Variants in IAPP observed in about 807,000 individuals in gnomAD.
IAPP encodes the protein islet amyloid polypeptide.
A neutral mutation model predicts 2.9 loss-of-function variants in IAPP; 4 were observed. The observed-to-expected ratio is 1.39, with a 90% CI of 0.69 to 3.19. The LOEUF (loss-of-function observed/expected upper bound fraction) is 3.19, where lower values mean the gene tolerates loss of function less well. Among genes scored for constraint, IAPP ranks in the 30% most tolerant of loss-of-function variants. The pLI, the probability that IAPP is intolerant of heterozygous loss-of-function variation, is 0.01. For missense variants in IAPP, 114 were observed against 105.3 expected (o/e 1.08, Z -0.36); for synonymous variants, 40 against 42.1 (o/e 0.95, Z 0.19).
chr12:21,375,865 T>C (rs1329343149), intron 2 of IAPP, among the ~76,000 whole-genome samples: 1 of 152,236 alleles, frequency 6.6e-6, no homozygotes, highest in African/African-American at 2.4e-5. Context: ...GCTTTAATGT[T>C]TGTTACTAGC....
At chr12:21,373,548 A>G (rs972270735) in intron 2 of IAPP, 117 bp downstream of exon 2, 1 of 748,406 alleles carries the variant, frequency 1.3e-6, no homozygotes, top group African/African-American at 1.7e-5. Flanking sequence ...ACTTAAGAAC[A>G]GTACCTTCAG....
intron 2 of IAPP, 115 bp from the exon 3 acceptor site, chr12:21,378,122 C>G: frequency 1.1e-6 from 1 of 929,774 alleles, no homozygotes; most frequent in Non-Finnish European, 1.7e-6. Flanking sequence ...CACTGAGTTA[C>G]TTATGTGAAA....
intron 2 of IAPP, among the ~76,000 whole-genome samples, chr12:21,374,778 C>T (rs1422718579): frequency 6.6e-6 from 1 of 151,832 alleles, no homozygotes; most frequent in East Asian, 1.9e-4. Context: ...ATTTACTAAG[C>T]ACTTTTACCC....
intron 1 of IAPP, among the ~76,000 whole-genome samples, chr12:21,361,507 G>C (rs1164873039): frequency 6.6e-6 from 1 of 152,200 alleles, no homozygotes; most frequent in Non-Finnish European, 1.5e-5. Context: ...AGAGCTCCTT[G>C]CCAGTAATGG....
chr12:21,362,626 C>T (rs902948292), intron 1 of IAPP, among the ~76,000 whole-genome samples: 3 of 152,044 alleles, frequency 2.0e-5, no homozygotes, highest in African/African-American at 4.8e-5. Flanking sequence ...AGAGTCAAGA[C>T]GCATCAGTGT....
upstream of IAPP, among the ~76,000 whole-genome samples, chr12:21,370,405 T>C (rs1339621008): frequency 1.3e-5 from 2 of 151,910 alleles, no homozygotes; most frequent in Admixed American, 1.3e-4. Flanking sequence ...TATATACATG[T>C]GCCATGTTGG....
At chr12:21,369,791 A>G (rs1047290046), upstream of IAPP, among the ~76,000 whole-genome samples, 7 of 152,224 alleles carry the variant, frequency 4.6e-5, no homozygotes, top group African/African-American at 1.7e-4. Context: ...TTGACTTAGC[A>G]AGGCTAGAGG....
chr12:21,372,475 A>G (rs1338005016), upstream of IAPP, among the ~76,000 whole-genome samples: 4 of 151,898 alleles, frequency 2.6e-5, no homozygotes, highest in East Asian at 5.8e-4. Context: ...TTTCCCTTAT[A>G]TCTCCATTTA....
intron 1 of IAPP, among the ~76,000 whole-genome samples, chr12:21,359,920 T>G (rs1938692847): frequency 6.6e-6 from 1 of 152,140 alleles, no homozygotes; most frequent in South Asian, 2.1e-4. Flanking sequence ...GGCTAAACAT[T>G]TTGTAATATA....
chr12:21,357,025 C>G (rs1938421224), intron 1 of IAPP, among the ~76,000 whole-genome samples: 1 of 151,626 alleles, frequency 6.6e-6, no homozygotes, highest in Non-Finnish European at 1.5e-5. Flanking sequence ...AATAATTTCA[C>G]TGAGAAAGAT....
chr12:21,359,458 T>C (rs1938640999), intron 1 of IAPP, among the ~76,000 whole-genome samples: 1 of 152,142 alleles, frequency 6.6e-6, no homozygotes, highest in Non-Finnish European at 1.5e-5. Context: ...ATACTGATAT[T>C]TGGGAGTCTC....
intron 1 of IAPP, among the ~76,000 whole-genome samples, chr12:21,356,643 A>G (rs1237543474): frequency 6.6e-6 from 1 of 152,176 alleles, no homozygotes; most frequent in East Asian, 1.9e-4. Context: ...CACAGTAAAG[A>G]TATGAGTGTT....
upstream of IAPP, among the ~76,000 whole-genome samples, chr12:21,371,531 T>C (rs1396461302): frequency 2.6e-5 from 4 of 152,310 alleles, no homozygotes; most frequent in Admixed American, 2.6e-4. Context: ...CTTCAAACAA[T>C]GTTACAAAGC....
intron 1 of IAPP, among the ~76,000 whole-genome samples, chr12:21,360,347 C>T (rs1392156814): frequency 6.6e-6 from 1 of 151,946 alleles, no homozygotes; most frequent in Non-Finnish European, 1.5e-5. Flanking sequence ...TAAAACGACA[C>T]CAATATAAAA....
chr12:21,355,018 C>T (rs1938250781), intron 1 of IAPP: 12 of 152,074 alleles, frequency 7.9e-5, no homozygotes. Flanking sequence ...TTCCAGGTAA[C>T]TAGAAAGTAA....
At chr12:21,374,574 T>G (rs557374592) in intron 2 of IAPP, 2 of 152,346 alleles carry the variant, frequency 1.3e-5, no homozygotes, top group South Asian at 2.1e-4. Context: ...TTTTGTCATT[T>G]CAAGGCTTAT....
chr12:21,357,478 A>G (rs1938465576), intron 1 of IAPP, among the ~76,000 whole-genome samples: 1 of 152,206 alleles, frequency 6.6e-6, no homozygotes, highest in Non-Finnish European at 1.5e-5. Context: ...CTGTGAAACT[A>G]TAAATTTCTG....
upstream of IAPP, among the ~76,000 whole-genome samples, chr12:21,368,846 T>C (rs1025689073): frequency 5.3e-5 from 8 of 152,108 alleles, no homozygotes; most frequent in African/African-American, 1.2e-4. Flanking sequence ...TATTTTACGA[T>C]AGTGATAGAG....
intron 2 of IAPP, chr12:21,373,818 C>A (rs1297000303): frequency 1.2e-5 from 7 of 605,044 alleles, no homozygotes; most frequent in South Asian, 4.3e-5. Context: ...CAAGTGGATT[C>A]TTTTTGTATA....
Sources: allele counts gnomAD v4.1 joint callset (sites outside exome capture counted in the v4.1 genomes callset), GRCh38; gene constraint gnomAD v4.1.1; transcripts MANE v1.5; gene names NCBI Gene and HGNC (gene_info 2026-07-23, HGNC 2026-07-21).